The following CCSER1 variants were observed in gnomAD, a reference collection of about 807,000 sequenced individuals.
The protein encoded by CCSER1 is coiled-coil serine rich protein 1.
In CCSER1, 41 loss-of-function variants were observed where a neutral mutation model predicts 82.0. The observed-to-expected ratio is 0.50, with a 90% CI of 0.39 to 0.65. CCSER1 has a LOEUF of 0.65. Ranked by LOEUF, CCSER1 falls within the 30% of genes least tolerant of loss-of-function variation. CCSER1 has a pLI of 0.00. For synonymous variants in CCSER1, 414 were observed against 383.9 expected (o/e 1.08, Z -0.92); for missense variants, 1,119 against 1,064.2 (o/e 1.05, Z -0.72).
At chr4:91,492,768 T>G (rs1006624078) in intron 10 of CCSER1, among the ~76,000 whole-genome samples, 2 of 152,056 alleles carry the variant, frequency 1.3e-5, no homozygotes, top group Non-Finnish European at 2.9e-5. Flanking sequence ...AGGACAGTCT[T>G]CATAGAGATA....
intron 8 of CCSER1, among the ~76,000 whole-genome samples, chr4:90,912,712 C>A (rs1726605286): frequency 6.6e-6 from 1 of 152,048 alleles, no homozygotes; most frequent in Admixed American, 6.6e-5. Context: ...GAAGTTCGAA[C>A]CCATGGCAAA....
intron 5 of CCSER1, among the ~76,000 whole-genome samples, chr4:90,563,966 G>A (rs1779077610): frequency 6.6e-6 from 1 of 151,872 alleles, no homozygotes; most frequent in Non-Finnish European, 1.5e-5. Context: ...TGCCATTTTG[G>A]TAACAGCCAT....
intron 4 of CCSER1, among the ~76,000 whole-genome samples, chr4:90,467,256 C>T (rs28781372): frequency 3.0e-3 from 460 of 151,984 alleles, no homozygotes; most frequent in African/African-American, 0.011. Context: ...CATGATAGTG[C>T]GCCTGTAGTC....
At chr4:90,185,370 A>G (rs1371909166) in intron 1 of CCSER1, among the ~76,000 whole-genome samples, 1 of 152,078 alleles carries the variant, frequency 6.6e-6, no homozygotes, top group Non-Finnish European at 1.5e-5. Flanking sequence ...CCTCCTCCCT[A>G]GTTGAGTACT....
chr4:91,277,526 C>CTT (rs552319172), intron 10 of CCSER1, among the ~76,000 whole-genome samples: 12 of 100,016 alleles, frequency 1.2e-4, no homozygotes, highest in African/African-American at 1.8e-4. Context: ...CCATTTTGTC[C>CTT]TTTTTTTTTT....
intron 10 of CCSER1, among the ~76,000 whole-genome samples, chr4:91,348,487 A>G (rs976811294): frequency 6.6e-6 from 1 of 152,190 alleles, no homozygotes; most frequent in African/African-American, 2.4e-5. Context: ...GATGGCCTAG[A>G]AGAATGAGTT....
chr4:90,324,771 CT>C (rs1016164145), intron 3 of CCSER1, among the ~76,000 whole-genome samples: 2 of 152,104 alleles, frequency 1.3e-5, no homozygotes, highest in African/African-American at 4.8e-5. Context: ...ATGGTAATGC[CT>C]AGGTTTTCTT....
intron 10 of CCSER1, among the ~76,000 whole-genome samples, chr4:91,348,752 T>C (rs1383361574): frequency 6.6e-6 from 1 of 152,114 alleles, no homozygotes. Context: ...GTTCACAATA[T>C]TTTTTTATAA....
chr4:90,977,443 A>G (rs1735710358), intron 9 of CCSER1, among the ~76,000 whole-genome samples: 1 of 151,594 alleles, frequency 6.6e-6, no homozygotes, highest in African/African-American at 2.4e-5. Context: ...ATATATTATA[A>G]TTATATGTGC....
chr4:90,131,313 T>C (rs930314171), intron 1 of CCSER1, among the ~76,000 whole-genome samples: 1 of 152,240 alleles, frequency 6.6e-6, no homozygotes, highest in East Asian at 1.9e-4. Flanking sequence ...TATTGCCTTT[T>C]AATAGACAAT....
intron 1 of CCSER1, among the ~76,000 whole-genome samples, chr4:90,173,425 A>G (rs1004175367): frequency 6.6e-6 from 1 of 151,822 alleles, no homozygotes; most frequent in Admixed American, 6.6e-5. Context: ...ACCAGACAGT[A>G]TCAAGGTCTC....
chr4:90,350,966 G>T (rs1171893121), intron 3 of CCSER1, among the ~76,000 whole-genome samples: 1 of 152,058 alleles, frequency 6.6e-6, no homozygotes, highest in African/African-American at 2.4e-5. Context: ...AATATCAGTG[G>T]TTTTTTTGAA....
At chr4:90,214,293 G>A (rs1740614010) in intron 1 of CCSER1, among the ~76,000 whole-genome samples, 1 of 152,128 alleles carries the variant, frequency 6.6e-6, no homozygotes, top group Non-Finnish European at 1.5e-5. Flanking sequence ...TTTTCAAAAT[G>A]CTTCTATGTT....
chr4:91,204,990 CTAT>C (rs1292471762), intron 10 of CCSER1, among the ~76,000 whole-genome samples: 3 of 151,498 alleles, frequency 2.0e-5, no homozygotes, highest in Admixed American at 2.0e-4. Context: ...ATTGCTTACT[CTAT>C]TATTATTAAC....
At chr4:91,220,289 CT>C (rs1737629910) in intron 10 of CCSER1, among the ~76,000 whole-genome samples, 1 of 152,158 alleles carries the variant, frequency 6.6e-6, no homozygotes, top group South Asian at 2.1e-4. Flanking sequence ...AGAATTGCCC[CT>C]GGAAATGTAT....
At chr4:90,167,044 T>C (rs999108075) in intron 1 of CCSER1, among the ~76,000 whole-genome samples, 3 of 152,060 alleles carry the variant, frequency 2.0e-5, no homozygotes, top group Admixed American at 2.0e-4. Flanking sequence ...GTATTGTTTA[T>C]TATAATTGAT....
chr4:91,291,077 TA>T (rs1278325588), intron 10 of CCSER1, among the ~76,000 whole-genome samples: 1 of 151,408 alleles, frequency 6.6e-6, no homozygotes, highest in Non-Finnish European at 1.5e-5. Context: ...TTATATATAT[TA>T]TTTTATAAAT....
intron 10 of CCSER1, among the ~76,000 whole-genome samples, chr4:91,486,195 T>C (rs1758210215): frequency 6.6e-6 from 1 of 151,922 alleles, no homozygotes; most frequent in East Asian, 1.9e-4. Flanking sequence ...AATATATTTG[T>C]TATTTTGTAA....
chr4:90,806,320 A>T (rs1469980296), intron 7 of CCSER1, among the ~76,000 whole-genome samples: 1 of 152,152 alleles, frequency 6.6e-6, no homozygotes. Flanking sequence ...GAGATTGTGA[A>T]CTCCTTCAGA....
Sources: gnomAD v4.1 joint callset for allele counts (sites outside exome capture counted in the v4.1 genomes callset) on GRCh38, gnomAD v4.1.1 for gene constraint, MANE v1.5 for transcripts, NCBI Gene and HGNC (gene_info 2026-07-23, HGNC 2026-07-21) for gene names.